The following MRPL13 variants were observed in gnomAD, a reference collection of about 807,000 sequenced individuals.
MRPL13 encodes large ribosomal subunit protein uL13m.
MRPL13 carries 33 observed loss-of-function variants against 29.0 expected under a neutral mutation model. That is an observed-to-expected ratio of 1.14 (90% CI 0.86 to 1.52). MRPL13 has a LOEUF of 1.52. MRPL13 is among the 40% of genes most tolerant of loss of function. The pLI, the probability that MRPL13 is intolerant of heterozygous loss-of-function variation, is 0.00. For missense variants in MRPL13, 227 were observed against 216.7 expected (o/e 1.05, Z -0.30); for synonymous variants, 77 against 68.4 (o/e 1.13, Z -0.62).
intron 6 of MRPL13, among the ~76,000 whole-genome samples, chr8:120,396,928 G>T (rs373979591): frequency 7.2e-5 from 11 of 152,178 alleles, no homozygotes; most frequent in African/African-American, 2.2e-4. Flanking sequence ...AATGAAAATG[G>T]CAAGTGAATT....
At position 120,414,014 on chromosome 8, in the gene MRPL13, G is replaced by A. The variant is rs749399960; in HGVS notation, c.492C>T (p.Asp164=). ...ACGGAGTCCACAATCTTGGGAAGGCGTCTATTTCTTCTTGTGTGTACTCAT... is the reference window on the plus strand; with the variant it reads ...ACGGAGTCCACAATCTTGGGAAGGCATCTATTTCTTCTTGTGTGTACTCAT... The part of the protein sequence containing the change: ...RLDEYTQEEI[D]AFPRLWTPPE... Residue 164 remains aspartate, a synonymous_variant, in exon 6 of 7, where the codon GAC becomes GAT. Transcript: ENST00000306185. The A allele has an allele frequency of 5.0e-5, 78 of 1,564,444 alleles. 1 individual carries two copies. Among genetic ancestry groups the A allele is most frequent in the East Asian group, 1.2e-4 (5 of 42,928 alleles).
At chr8:120,405,123 A>T (rs1321488687) in intron 6 of MRPL13, among the ~76,000 whole-genome samples, 1 of 152,226 alleles carries the variant, frequency 6.6e-6, no homozygotes. Context: ...TAGATAGTTA[A>T]GATAGTGGCA....
At chr8:120,441,186 G>A (rs1385029297) in intron 2 of MRPL13, among the ~76,000 whole-genome samples, 1 of 152,104 alleles carries the variant, frequency 6.6e-6, no homozygotes, top group Non-Finnish European at 1.5e-5. Context: ...TAGATAAGAA[G>A]CAAGACATCT....
chr8:120,427,851 G>A (rs773716415), intron 3 of MRPL13, among the ~76,000 whole-genome samples: 10 of 151,664 alleles, frequency 6.6e-5, no homozygotes, highest in East Asian at 1.9e-4. Flanking sequence ...ACAGACAAAC[G>A]GAAAAACACT....
At chr8:120,404,842 G>A (rs1279479312) in intron 6 of MRPL13, among the ~76,000 whole-genome samples, 1 of 152,086 alleles carries the variant, frequency 6.6e-6, no homozygotes, top group South Asian at 2.1e-4. Context: ...ATTTGACTCC[G>A]GTGCTTGCAA....
At chr8:120,406,072 AAAT>A (rs1310516902) in intron 6 of MRPL13, among the ~76,000 whole-genome samples, 7 of 152,216 alleles carry the variant, frequency 4.6e-5, no homozygotes, top group Admixed American at 1.3e-4. Flanking sequence ...ATATATTTGT[AAAT>A]AATAACAGTA....
At chr8:120,435,723 A>T (rs990696920) in intron 2 of MRPL13, among the ~76,000 whole-genome samples, 1 of 152,134 alleles carries the variant, frequency 6.6e-6, no homozygotes, top group African/African-American at 2.4e-5. Flanking sequence ...AGAATGACTG[A>T]ACTAATTTGC....
intron 4 of MRPL13, among the ~76,000 whole-genome samples, chr8:120,422,764 T>C: frequency 6.6e-6 from 1 of 151,702 alleles, no homozygotes; most frequent in Non-Finnish European, 1.5e-5. Context: ...ATCCTTCTTG[T>C]GGGGATCAAA....
chr8:120,420,607 T>C (rs1023173878), intron 4 of MRPL13, among the ~76,000 whole-genome samples: 1 of 151,362 alleles, frequency 6.6e-6, no homozygotes, highest in East Asian at 1.9e-4. Context: ...GTGGCTACCA[T>C]GTTTGACAGT....
In MRPL13 at chr8:120,431,177, T is replaced by C. The variant is rs78521461; in HGVS notation, c.245+853A>G. Among the ~76,000 whole-genome samples the C allele has an allele frequency of 5.1e-3, 781 of 152,114 alleles. 8 individuals carry two copies. Among genetic ancestry groups the C allele is most frequent in the African/African-American group, 0.017 (694 of 41,510 alleles). Reference sequence around the variant, plus strand: ...GGGGAAAGAGATGAAAAGTAACAAATGGGAACATCAAAGGCGAAGATGCAG... The same window carrying C: ...GGGGAAAGAGATGAAAAGTAACAAACGGGAACATCAAAGGCGAAGATGCAG... On this transcript the variant is annotated intron_variant, in intron 3 of 6. Transcript: ENST00000306185.
chr8:120,412,457 A>G (rs1040866265), intron 6 of MRPL13, among the ~76,000 whole-genome samples: 2 of 152,216 alleles, frequency 1.3e-5, no homozygotes, highest in African/African-American at 4.8e-5. Flanking sequence ...AATTCTCAGA[A>G]GTATGGAGTG....
rs1321626953 is a variant in MRPL13, at chr8:120,396,101, C to G, written c.*3G>C. The stretch of plus-strand genomic sequence containing the variant: ...ACTGTTATTTTCTGCAATTCTTATT[C>G]TCTTATAGCCGATAATCTTCAGGTC... On this transcript the variant is annotated 3_prime_UTR_variant, in exon 7 of 7. Coordinates refer to ENST00000306185, the MANE Select transcript of MRPL13 (RefSeq NM_014078.6). The G allele has an allele frequency of 7.6e-6, 12 of 1,583,028 alleles. No homozygotes were observed. In the Middle Eastern group the frequency reaches 6.7e-4, roughly 88 times the overall value.
chr8:120,426,383 GT>G (rs910998995), intron 3 of MRPL13, among the ~76,000 whole-genome samples: 137 of 152,186 alleles, frequency 9.0e-4, no homozygotes, highest in African/African-American at 3.2e-3. Flanking sequence ...AAAGTTAGAA[GT>G]TTGCTGAGAA....
intron 3 of MRPL13, among the ~76,000 whole-genome samples, chr8:120,425,814 T>C (rs897621156): frequency 1.3e-5 from 2 of 152,184 alleles, no homozygotes; most frequent in Non-Finnish European, 2.9e-5. Context: ...CCAGTAATCA[T>C]GTTTCTTCTT....
chr8:120,413,539 G>T (rs1812765872), intron 6 of MRPL13, among the ~76,000 whole-genome samples: 1 of 152,164 alleles, frequency 6.6e-6, no homozygotes, highest in Non-Finnish European at 1.5e-5. Flanking sequence ...TACGGCCTTA[G>T]GTAGAGGAAA....
intron 6 of MRPL13, 110 bp downstream of exon 6, chr8:120,413,881 G>T: frequency 7.6e-7 from 1 of 1,308,768 alleles, no homozygotes; most frequent in Non-Finnish European, 9.9e-7. Context: ...TCCCAGGGGA[G>T]CAAAAAAATG....
At chr8:120,438,179 T>C (rs928272785) in intron 2 of MRPL13, among the ~76,000 whole-genome samples, 21 of 152,002 alleles carry the variant, frequency 1.4e-4, no homozygotes, top group Admixed American at 5.9e-4. Flanking sequence ...TTGTGCAACA[T>C]TGTGAAACCA....
In MRPL13 at chr8:120,443,177, A is replaced by T; in HGVS notation, c.151+8T>A. The T allele has an allele frequency of 3.9e-6, 6 of 1,532,040 alleles. No homozygotes were observed. Among genetic ancestry groups the T allele is most frequent in the Non-Finnish European group, 5.3e-6 (6 of 1,142,016 alleles). 94.9% of individuals were successfully genotyped at this position (1,532,040 alleles called of 1,614,324 possible). A position where few individuals can be genotyped will look rare whatever the true frequency, so the allele number is the denominator to read the frequency against. On this transcript the variant is annotated splice_region_variant and intron_variant, in intron 2 of 6. Transcript: ENST00000306185. ...AGTGGTTAATGACAGGTCTAAAATA[A>T]TACTTACTCAGTGCATGGTACACAG...
rs921455018 is a variant in MRPL13 at position 120,443,849 on chromosome 8, T to A, written c.28-541A>T. On this transcript the variant is annotated intron_variant, in intron 1 of 6. Transcript: ENST00000306185. Reference sequence around the variant, plus strand: ...GAAAGTACAGATGGGTGATGTGGAATAAATTTCAACTTTAAAAAGTTGCCT... The same window carrying A: ...GAAAGTACAGATGGGTGATGTGGAAAAAATTTCAACTTTAAAAAGTTGCCT... Among the ~76,000 whole-genome samples the A allele has an allele frequency of 5.9e-5, 9 of 152,280 alleles. No individual in the cohort carries two copies. The East Asian group carries it at 1.7e-3, about 29-fold the overall frequency.
Sources: gnomAD v4.1 joint callset for allele counts (sites outside exome capture counted in the v4.1 genomes callset) on GRCh38, gnomAD v4.1.1 for gene constraint, MANE v1.5 for transcripts, NCBI Gene and HGNC (gene_info 2026-07-23, HGNC 2026-07-21) for gene names.